The following SNX29 variants were observed in gnomAD, a reference collection of about 807,000 sequenced individuals.
SNX29 encodes the protein sorting nexin-29.
A neutral mutation model predicts 102.1 loss-of-function variants in SNX29; 78 were observed. The observed-to-expected ratio is 0.76, with a 90% CI of 0.64 to 0.92. The LOEUF is 0.92. Ranked by LOEUF, SNX29 falls within the 40% of genes least tolerant of loss-of-function variation. The pLI is 0.00. For missense variants in SNX29, 1,280 were observed against 1,061.7 expected, an observed-to-expected ratio of 1.21 and a Z score of -2.86; for synonymous variants, 580 against 414.5, an observed-to-expected ratio of 1.40 and a Z score of -4.85.
chr16:12,196,850 G>A (rs1018282521), intron 13 of SNX29, among the ~76,000 whole-genome samples: 1 of 152,032 alleles, frequency 6.6e-6, no homozygotes, highest in African/African-American at 2.4e-5. Flanking sequence ...CAAACTCTTG[G>A]CCTCACGTGA....
intron 8 of SNX29, chr16:12,052,572 T>C: frequency 3.6e-6 from 1 of 278,690 alleles, no homozygotes; most frequent in South Asian, 4.0e-5. Flanking sequence ...TTCTATGGTA[T>C]TGGGTAAAAT....
Position 12,483,126 on chromosome 16 carries a change from T to G in SNX29, c.2178+5267T>G, listed in dbSNP as rs866230154. ...TTGAAGTTATTAAGTTTTTTTTTTT[T>G]TTTTTTTTTTTTTTTTTGGAGACAG... On this transcript the variant is annotated intron_variant, in intron 19 of 20. Transcript: ENST00000566228. Among the ~76,000 whole-genome samples the G allele has an allele frequency of 5.8e-4, 74 of 128,222 alleles. 1 individual carries two copies. Among genetic ancestry groups the G allele is most frequent in the African/African-American group, 2.1e-3 (69 of 32,954 alleles). The allele number at this position is 128,222 out of a possible 152,430, so 84.1% of individuals were successfully genotyped here.
At chr16:12,540,313 T>G (rs1486154715) in intron 20 of SNX29, among the ~76,000 whole-genome samples, 2 of 152,140 alleles carry the variant, frequency 1.3e-5, no homozygotes, top group Admixed American at 1.3e-4. Flanking sequence ...CCCCACCCTC[T>G]TGGGACCACA....
intron 11 of SNX29, among the ~76,000 whole-genome samples, chr16:12,107,070 G>A (rs925775610): frequency 3.9e-5 from 6 of 152,280 alleles, no homozygotes; most frequent in South Asian, 2.1e-4. Flanking sequence ...CTCCCTCCTC[G>A]GCGTCCCAGA....
chr16:12,531,485 C>A (rs1214892355), intron 20 of SNX29, among the ~76,000 whole-genome samples: 1 of 152,152 alleles, frequency 6.6e-6, no homozygotes, highest in African/African-American at 2.4e-5. Flanking sequence ...GAAGGCCCTA[C>A]CAAGAGGGGA....
At chr16:12,541,142 TTAC>T (rs1442569308) in intron 20 of SNX29, among the ~76,000 whole-genome samples, 12 of 152,312 alleles carry the variant, frequency 7.9e-5, no homozygotes, top group East Asian at 1.9e-4. Context: ...GGAGGTGACC[TTAC>T]TACATCATAC....
chr16:12,199,618 A>G lies in SNX29; in HGVS notation c.1613A>G (p.Lys538Arg), dbSNP rs1567303805. 1 of 1,613,046 alleles carries G rather than the reference A, an allele frequency of 6.2e-7. No homozygotes were observed. Among genetic ancestry groups the G allele is most frequent in the African/African-American group, 1.3e-5 (1 of 74,926 alleles). ...ACCTGCAGAGAGAACGAGGTGCTCA[A>G]AGTCCAACTGAAGAAATATGTAGGA... Reference protein sequence around the residue: ...QALARENEVLKVQLKKYVGAV... With the variant: ...QALARENEVLRVQLKKYVGAV... The change falls in exon 14 of 21, where the codon AAA (lysine) becomes AGA (arginine). Residue 538 changes from lysine to arginine, a missense_variant. By Grantham distance (26) the Lys-to-Arg change is conservative (BLOSUM62 2). Coordinates refer to ENST00000566228, the MANE Select transcript of SNX29 (RefSeq NM_032167.5).
At chr16:12,444,618 C>T (rs2085961710) in intron 18 of SNX29, among the ~76,000 whole-genome samples, 1 of 152,184 alleles carries the variant, frequency 6.6e-6, no homozygotes, top group South Asian at 2.1e-4. Context: ...GGCACAGGTA[C>T]CTGAGTCATT....
chr16:12,126,462 C>G (rs2054218193), intron 11 of SNX29, among the ~76,000 whole-genome samples, 171 bp from the exon 12 acceptor site: 1 of 152,206 alleles, frequency 6.6e-6, no homozygotes. Flanking sequence ...CTCTAAAATC[C>G]AGGACCCTGA....
At chr16:12,537,967 A>C (rs2077150735) in intron 20 of SNX29, among the ~76,000 whole-genome samples, 1 of 139,840 alleles carries the variant, frequency 7.2e-6, no homozygotes, top group Non-Finnish European at 1.5e-5. Flanking sequence ...CCTGGGCAAT[A>C]GAGCAAAACT....
intron 11 of SNX29, among the ~76,000 whole-genome samples, chr16:12,091,177 C>G (rs1462379033): frequency 6.6e-6 from 1 of 152,076 alleles, no homozygotes; most frequent in Non-Finnish European, 1.5e-5. Flanking sequence ...GAGTGCTAGA[C>G]TTGTTCTGTA....
intron 11 of SNX29, among the ~76,000 whole-genome samples, chr16:12,094,636 C>T (rs1026273098): frequency 3.3e-5 from 5 of 152,156 alleles, no homozygotes; most frequent in African/African-American, 1.2e-4. Flanking sequence ...TTAGCCATGT[C>T]TGGGACATAT....
intron 19 of SNX29, among the ~76,000 whole-genome samples, chr16:12,497,028 A>C (rs759628660): frequency 1.3e-5 from 2 of 152,146 alleles, no homozygotes; most frequent in East Asian, 1.9e-4. Context: ...GTGAAGCCCA[A>C]GTGAACAGGT....
At chr16:12,541,968 G>C (rs1211488513) in intron 20 of SNX29, among the ~76,000 whole-genome samples, 4 of 152,200 alleles carry the variant, frequency 2.6e-5, no homozygotes, top group African/African-American at 9.7e-5. Context: ...ATCCACTTCA[G>C]AGACTTGGCT....
chr16:12,491,935 G>A (rs955306327), intron 19 of SNX29, among the ~76,000 whole-genome samples: 1 of 152,178 alleles, frequency 6.6e-6, no homozygotes, highest in African/African-American at 2.4e-5. Flanking sequence ...ATCGTTGTTG[G>A]ACATTCGGGT....
intron 16 of SNX29, among the ~76,000 whole-genome samples, chr16:12,390,619 T>C (rs1000715793): frequency 1.3e-5 from 2 of 152,220 alleles, no homozygotes; most frequent in South Asian, 2.1e-4. Context: ...CCCCTCATTC[T>C]GGGCGAGGGC....
chr16:12,016,550 A>C (rs1445813722), intron 3 of SNX29, among the ~76,000 whole-genome samples: 1 of 152,070 alleles, frequency 6.6e-6, no homozygotes, highest in East Asian at 1.9e-4. Context: ...TGTGGCAGTG[A>C]TCCAGTTTCT....
At chr16:12,248,859 G>A (rs1275240287) in intron 14 of SNX29, among the ~76,000 whole-genome samples, 1 of 152,000 alleles carries the variant, frequency 6.6e-6, no homozygotes, top group South Asian at 2.1e-4. Flanking sequence ...TCCCCCAGTA[G>A]AATCTAAGCT....
chr16:12,331,464 A>G (rs894293779), intron 15 of SNX29, among the ~76,000 whole-genome samples: 3 of 152,184 alleles, frequency 2.0e-5, no homozygotes, highest in African/African-American at 7.2e-5. Context: ...GTTGTATCTG[A>G]CACACTGTGT....
Sources: allele counts gnomAD v4.1 joint callset (sites outside exome capture counted in the v4.1 genomes callset), GRCh38; gene constraint gnomAD v4.1.1; transcripts MANE v1.5; gene names NCBI Gene and HGNC (gene_info 2026-07-23, HGNC 2026-07-21).